CREBBP: variants seen among roughly 807,000 people sequenced by gnomAD.
CREBBP encodes the protein CREB-binding protein.
CREBBP carries 19 observed loss-of-function variants against 265.0 expected under a neutral mutation model. That is an observed-to-expected ratio of 0.07 (90% CI 0.05 to 0.11). CREBBP has a LOEUF of 0.11. Among genes scored for constraint, CREBBP ranks in the 10% least tolerant of loss-of-function variants. The pLI is 1.00. For missense variants in CREBBP, 2,525 were observed against 3,219.0 expected, an observed-to-expected ratio of 0.78 and a Z score of 5.22; for synonymous variants, 1,457 against 1,223.7, an observed-to-expected ratio of 1.19 and a Z score of -3.98.
intron 2 of CREBBP, among the ~76,000 whole-genome samples, chr16:3,838,220 A>G (rs2054495093): frequency 6.6e-6 from 1 of 152,228 alleles, no homozygotes; most frequent in Non-Finnish European, 1.5e-5. Context: ...AACACTTAGC[A>G]TTGTGGCACC....
intron 28 of CREBBP, among the ~76,000 whole-genome samples, chr16:3,735,054 C>A (rs564336366): frequency 6.6e-6 from 1 of 152,166 alleles, no homozygotes. Flanking sequence ...CAGCCCACAC[C>A]CACGCCACCA....
chr16:3,789,974 C>G (rs2053469080), intron 5 of CREBBP, among the ~76,000 whole-genome samples: 5 of 151,918 alleles, frequency 3.3e-5, no homozygotes. Context: ...AAGTTTACAA[C>G]TGTCATGGTA....
At chr16:3,849,421 GT>G (rs1345518510) in intron 2 of CREBBP, among the ~76,000 whole-genome samples, 278 of 8,538 alleles carry the variant, frequency 0.033, 2 homozygotes, top group Non-Finnish European at 0.061. Flanking sequence ...GTGTGTGTGT[GT>G]GTGTGTGTGT....
intron 2 of CREBBP, among the ~76,000 whole-genome samples, chr16:3,822,553 G>C (rs1248126721): frequency 6.6e-6 from 1 of 152,184 alleles, no homozygotes; most frequent in Admixed American, 6.5e-5. Flanking sequence ...TGAGCCCTGG[G>C]AGGTGACGTG....
chr16:3,749,545 AC>A lies in CREBBP; in HGVS notation c.3836+81del, dbSNP rs1213155235. The A allele has an allele frequency of 5.6e-6, 5 of 892,996 alleles. No homozygotes were observed. In the African/African-American group the frequency reaches 8.3e-5, roughly 15 times the overall value. The allele number at this position is 892,996 out of a possible 1,614,324, so 55.3% of individuals were successfully genotyped here. The stretch of plus-strand genomic sequence containing the variant: ...ACGGCAACATATTTCCAATGTTTTT[AC>A]CCACAACCCACTCCATAAGGAGTAA... On this transcript the variant is annotated intron_variant, in intron 21 of 30. Transcript: ENST00000262367.
At chr16:3,761,818 A>T (rs893590450) in intron 16 of CREBBP, among the ~76,000 whole-genome samples, 1 of 152,242 alleles carries the variant, frequency 6.6e-6, no homozygotes, top group African/African-American at 2.4e-5. Context: ...TTATGCACAG[A>T]CGAAGCAGCA....
At position 3,739,568 on chromosome 16, in the gene CREBBP, G is replaced by C. The variant is rs2151336452; in HGVS notation, c.4280+10C>G. The C allele has an allele frequency of 6.2e-7, 1 of 1,614,170 alleles. No homozygotes were observed. The highest frequency in any genetic ancestry group is 8.5e-7 in the Non-Finnish European group (1 of 1,180,034). On this transcript the variant is annotated intron_variant, in intron 25 of 30. Coordinates refer to ENST00000262367, the MANE Select transcript of CREBBP (RefSeq NM_004380.3). ...TGAATGACACGCCCTGGAAGGAGCTGGAAAACTACCTCGTGTTTGGAGGGG... is the reference window on the plus strand; with the variant it reads ...TGAATGACACGCCCTGGAAGGAGCTCGAAAACTACCTCGTGTTTGGAGGGG...
intron 3 of CREBBP, among the ~76,000 whole-genome samples, chr16:3,803,166 T>A (rs9937221): frequency 0.066 from 9,935 of 150,712 alleles, 995 homozygotes; most frequent in African/African-American, 0.22. Flanking sequence ...TGATTTTTTT[T>A]AAAAAAATAA....
chr16:3,838,917 T>C (rs1442054603), intron 2 of CREBBP, among the ~76,000 whole-genome samples: 2 of 152,214 alleles, frequency 1.3e-5, no homozygotes, highest in South Asian at 2.1e-4. Flanking sequence ...ACTTCAAATG[T>C]TGTGTGGCTA....
intron 21 of CREBBP, among the ~76,000 whole-genome samples, chr16:3,748,409 G>A (rs1482046715): frequency 6.6e-6 from 1 of 152,242 alleles, no homozygotes; most frequent in Non-Finnish European, 1.5e-5. Flanking sequence ...TGAGAGGGGT[G>A]GGCGCTCTGC....
chr16:3,770,461 G>T, intron 14 of CREBBP, 109 bp downstream of exon 14: 1 of 1,252,464 alleles, frequency 8.0e-7, no homozygotes, highest in Non-Finnish European at 1.2e-6. Flanking sequence ...CTCCCAAGGT[G>T]CTGAAATTAT....
rs1289234167 is a variant in CREBBP, at chr16:3,780,877, G to T, written c.1678C>A (p.Pro560Thr). The change falls in exon 8 of 31, where the codon CCA (proline) becomes ACA (threonine). Residue 560 changes from proline (P) to threonine (T), a missense_variant and splice_region_variant. Physicochemically the swap from Pro to Thr is conservative, Grantham distance 38. This residue lies in a region of CREBBP where 144 missense variants were observed against 134.0 expected (regional missense o/e 1.07). Coordinates refer to ENST00000262367, the MANE Select transcript of CREBBP (RefSeq NM_004380.3). ...ALPTSLGATNPLMNDGSNSGN... is the reference protein window; with the variant it reads ...ALPTSLGATNTLMNDGSNSGN... ...GAGTTGGAGCCATCGTTCATCAGTG[G>T]GCTAAGGAGGAAATAAAGACACTTC... 3.1e-6 allele frequency: 5 copies of T among 1,613,272 alleles called. No individual in the cohort carries two copies. Among genetic ancestry groups the T allele is most frequent in the Non-Finnish European group, 4.2e-6 (5 of 1,180,004 alleles).
At chr16:3,805,733 G>C (rs532043634) in intron 3 of CREBBP, among the ~76,000 whole-genome samples, 2 of 152,296 alleles carry the variant, frequency 1.3e-5, no homozygotes, top group African/African-American at 4.8e-5. Flanking sequence ...GACCAACAAA[G>C]TAAGTCCACT....
chr16:3,785,310 T>C (rs2053360189), intron 5 of CREBBP, among the ~76,000 whole-genome samples: 1 of 152,238 alleles, frequency 6.6e-6, no homozygotes, highest in Non-Finnish European at 1.5e-5. Context: ...CTCACTCACG[T>C]GACAGACTCA....
chr16:3,788,367 G>A (rs1381716231), intron 5 of CREBBP, among the ~76,000 whole-genome samples: 1 of 152,132 alleles, frequency 6.6e-6, no homozygotes, highest in Non-Finnish European at 1.5e-5. Flanking sequence ...TTTCTTTATT[G>A]CTTACAACCT....
Position 3,855,755 on chromosome 16 carries a change from T to A in CREBBP, c.86-4746A>T, listed in dbSNP as rs564335891. 3.0e-3 allele frequency among the ~76,000 whole-genome samples: 461 copies of A among 152,222 alleles called. 1 individual carries two copies. The highest frequency in any genetic ancestry group is 0.01 in the African/African-American group (435 of 41,462). On this transcript the variant is annotated intron_variant, in intron 1 of 30. Coordinates refer to ENST00000262367, the MANE Select transcript of CREBBP (RefSeq NM_004380.3). Reference sequence around the variant, plus strand: ...TAGGTCTCAACATGCTTCTGAGGGTTCCAATCCATAGTTTTTACGCTATTT... The same window carrying A: ...TAGGTCTCAACATGCTTCTGAGGGTACCAATCCATAGTTTTTACGCTATTT...
At chr16:3,737,528 C>T (rs912863604) in intron 26 of CREBBP, among the ~76,000 whole-genome samples, 4 of 150,756 alleles carry the variant, frequency 2.7e-5, no homozygotes, top group African/African-American at 4.9e-5. Context: ...GGCATGATCT[C>T]GACTCAGCGC....
intron 23 of CREBBP, chr16:3,743,160 T>A (rs1296645845): frequency 1.3e-5 from 2 of 152,174 alleles, no homozygotes; most frequent in Non-Finnish European, 2.9e-5. Flanking sequence ...ACAGACGTAA[T>A]GAATTGCTGA....
intron 1 of CREBBP, among the ~76,000 whole-genome samples, chr16:3,865,561 G>T (rs1293315220): frequency 1.3e-5 from 2 of 152,200 alleles, no homozygotes; most frequent in Non-Finnish European, 2.9e-5. Flanking sequence ...TAGGTGGAGG[G>T]AGGCTCTCTC....
Sources: gnomAD v4.1 joint callset for allele counts (sites outside exome capture counted in the v4.1 genomes callset) on GRCh38, gnomAD v4.1.1 for gene constraint, gnomAD v4.1.1 regional missense constraint, MANE v1.5 for transcripts, NCBI Gene and HGNC (gene_info 2026-07-23, HGNC 2026-07-21) for gene names.